Variants in DLGAP1 observed in about 807,000 individuals in gnomAD.
DLGAP1 encodes the protein disks large-associated protein 1.
DLGAP1 carries 11 observed loss-of-function variants against 90.8 expected under a neutral mutation model. The ratio of observed to expected loss-of-function variants is 0.12; its 90% CI spans 0.08 to 0.20. The LOEUF (loss-of-function observed/expected upper bound fraction) is 0.20, where lower values mean the gene tolerates loss of function less well. Ranked by LOEUF, DLGAP1 falls within the 10% of genes least tolerant of loss-of-function variation. The probability of loss-of-function intolerance (pLI) is 1.00; values close to 1 mark genes in which losing one functional copy is unlikely to be tolerated. For synonymous variants in DLGAP1, 558 were observed against 540.7 expected (o/e 1.03, Z -0.44); for missense variants, 1,050 against 1,333.8 (o/e 0.79, Z 3.31).
chr18:3,921,254 T>C (rs985766313), intron 3 of DLGAP1, among the ~76,000 whole-genome samples: 1 of 152,190 alleles, frequency 6.6e-6, no homozygotes, highest in Non-Finnish European at 1.5e-5. Flanking sequence ...CCCCATTTTC[T>C]GCAATTATAA....
At chr18:4,438,041 T>G (rs973203165) in intron 1 of DLGAP1, among the ~76,000 whole-genome samples, 1 of 152,174 alleles carries the variant, frequency 6.6e-6, no homozygotes, top group African/African-American at 2.4e-5. Flanking sequence ...TTCTTTATAC[T>G]AGGGCTAATT....
At chr18:3,734,399 C>T (rs1010156757) in intron 6 of DLGAP1, among the ~76,000 whole-genome samples, 1 of 152,036 alleles carries the variant, frequency 6.6e-6, no homozygotes, top group Non-Finnish European at 1.5e-5. Flanking sequence ...ACAACAGGCA[C>T]GAGCTACTGC....
intron 7 of DLGAP1, among the ~76,000 whole-genome samples, chr18:3,649,942 T>C (rs905068525): frequency 6.6e-6 from 1 of 152,174 alleles, no homozygotes; most frequent in African/African-American, 2.4e-5. Flanking sequence ...CATCTTCCAG[T>C]TTCTGGGTCA....
chr18:4,081,299 G>T (rs1484094752), intron 2 of DLGAP1, among the ~76,000 whole-genome samples: 1 of 149,822 alleles, frequency 6.7e-6, no homozygotes, highest in Non-Finnish European at 1.5e-5. Context: ...TGGGCAAAAG[G>T]AGTGAAACTC....
chr18:4,453,320 T>G (rs1383727518), intron 1 of DLGAP1, among the ~76,000 whole-genome samples: 1 of 152,060 alleles, frequency 6.6e-6, no homozygotes, highest in Non-Finnish European at 1.5e-5. Flanking sequence ...TATTCATTAT[T>G]TCTTTATAGG....
At chr18:3,519,303 T>A (rs113128564) in intron 10 of DLGAP1, among the ~76,000 whole-genome samples, 2,390 of 152,250 alleles carry the variant, frequency 0.016, 63 homozygotes, top group African/African-American at 0.054. Context: ...TATAGTCCCA[T>A]CGTATTTTCC....
At chr18:4,301,861 G>A (rs1302439621) in intron 1 of DLGAP1, among the ~76,000 whole-genome samples, 1 of 151,666 alleles carries the variant, frequency 6.6e-6, no homozygotes, top group African/African-American at 2.4e-5. Flanking sequence ...CAATCATTGT[G>A]GTTTTGATTT....
intron 5 of DLGAP1, among the ~76,000 whole-genome samples, chr18:3,765,287 C>T (rs927287662): frequency 1.9e-4 from 28 of 150,914 alleles, no homozygotes; most frequent in South Asian, 6.3e-4. Context: ...CCCGCCACCA[C>T]GCCTGGCTAG....
At chr18:3,935,394 A>AT (rs1216753004) in intron 3 of DLGAP1, among the ~76,000 whole-genome samples, 1 of 152,246 alleles carries the variant, frequency 6.6e-6, no homozygotes, top group African/African-American at 2.4e-5. Context: ...CACCAGAAAA[A>AT]TGAAAGGTTA....
At chr18:3,600,881 G>GATAGATATATAGATATATATAGATAT (rs2056933545) in intron 7 of DLGAP1, among the ~76,000 whole-genome samples, 15 of 9,930 alleles carry the variant, frequency 1.5e-3, no homozygotes, top group Non-Finnish European at 5.1e-3. Flanking sequence ...TAGATATATA[G>GATAGATATATAGATATATATAGATAT]ATAGATATAT....
At chr18:4,363,306 T>C (rs2081672562) in intron 1 of DLGAP1, among the ~76,000 whole-genome samples, 1 of 151,810 alleles carries the variant, frequency 6.6e-6, no homozygotes, top group Non-Finnish European at 1.5e-5. Flanking sequence ...ACACAGGAAA[T>C]AAAAAGCTGG....
intron 1 of DLGAP1, among the ~76,000 whole-genome samples, chr18:4,365,694 G>A (rs549953033): frequency 6.6e-6 from 1 of 152,214 alleles, no homozygotes; most frequent in East Asian, 1.9e-4. Context: ...GTTAAGCACA[G>A]GCATGAATTT....
At chr18:3,515,102 T>C (rs2143984910) in intron 10 of DLGAP1, among the ~76,000 whole-genome samples, 1 of 152,334 alleles carries the variant, frequency 6.6e-6, no homozygotes, top group Admixed American at 6.5e-5. Context: ...TGACTTTTCC[T>C]TTCATGAAAG....
intron 1 of DLGAP1, among the ~76,000 whole-genome samples, chr18:4,327,544 C>T (rs1030643914): frequency 6.6e-6 from 1 of 151,922 alleles, no homozygotes; most frequent in Non-Finnish European, 1.5e-5. Context: ...TCAAATATTT[C>T]TGTATGAATT....
At chr18:3,937,023 G>A (rs1003539312) in intron 3 of DLGAP1, among the ~76,000 whole-genome samples, 4 of 152,312 alleles carry the variant, frequency 2.6e-5, no homozygotes, top group Middle Eastern at 3.4e-3. Context: ...CGTGGAAAGT[G>A]TAATGCAGGG....
intron 7 of DLGAP1, among the ~76,000 whole-genome samples, chr18:3,668,944 A>C (rs1181819888): frequency 6.6e-6 from 1 of 152,128 alleles, no homozygotes; most frequent in Non-Finnish European, 1.5e-5. Flanking sequence ...AGATCGCGCC[A>C]CTGCACTCCG....
chr18:4,127,599 A>AT (rs35852738), intron 2 of DLGAP1, among the ~76,000 whole-genome samples: 1 of 152,174 alleles, frequency 6.6e-6, no homozygotes, highest in Non-Finnish European at 1.5e-5. Context: ...CTTGATAATG[A>AT]TTTTTCAAAA....
chr18:3,876,834 G>C (rs1230317093), intron 4 of DLGAP1, among the ~76,000 whole-genome samples: 2 of 152,042 alleles, frequency 1.3e-5, no homozygotes, highest in African/African-American at 4.8e-5. Flanking sequence ...ATCCAATAAT[G>C]CTACTACTAA....
At chr18:3,741,304 TCAC>T (rs1461371469) in intron 6 of DLGAP1, among the ~76,000 whole-genome samples, 1 of 35,310 alleles carries the variant, frequency 2.8e-5, no homozygotes, top group Non-Finnish European at 5.1e-5. Flanking sequence ...CACCACCACA[TCAC>T]ATCACCACCA....
Sources: gnomAD v4.1 joint callset for allele counts (sites outside exome capture counted in the v4.1 genomes callset) on GRCh38, gnomAD v4.1.1 for gene constraint, MANE v1.5 for transcripts, NCBI Gene and HGNC (gene_info 2026-07-23, HGNC 2026-07-21) for gene names.